The following STK3 variants were observed in gnomAD, a reference collection of about 807,000 sequenced individuals.
The protein encoded by STK3 is serine/threonine kinase 3.
Under a neutral mutation model 58.0 loss-of-function variants are expected in STK3, and 41 were observed. The ratio of observed to expected loss-of-function variants is 0.71; its 90% CI spans 0.55 to 0.92. The LOEUF (loss-of-function observed/expected upper bound fraction) is 0.92, where lower values mean the gene tolerates loss of function less well. STK3 is among the 40% of genes least tolerant of loss of function. STK3 has a pLI of 0.00. For synonymous variants in STK3, 170 were observed against 191.0 expected (o/e 0.89, Z 0.91); for missense variants, 479 against 602.7 (o/e 0.79, Z 2.15).
chr8:98,770,058 G>A (rs1831202565), intron 2 of STK3, among the ~76,000 whole-genome samples: 1 of 152,096 alleles, frequency 6.6e-6, no homozygotes, highest in South Asian at 2.1e-4. Context: ...CTGGTATTAG[G>A]ACATTTAGAT....
At chr8:98,936,026 C>G (rs1368844927) in intron 1 of STK3, among the ~76,000 whole-genome samples, 1 of 152,054 alleles carries the variant, frequency 6.6e-6, no homozygotes, top group Non-Finnish European at 1.5e-5. Flanking sequence ...ATGCCATTCT[C>G]CCACTTCAGC....
intron 1 of STK3, among the ~76,000 whole-genome samples, chr8:98,821,222 T>C (rs1293270561): frequency 2.0e-5 from 3 of 151,950 alleles, no homozygotes; most frequent in African/African-American, 7.3e-5. Flanking sequence ...CTCATAGGAG[T>C]GCGAACCCTA....
intron 3 of STK3, among the ~76,000 whole-genome samples, chr8:98,416,576 G>A (rs1180232825): frequency 6.6e-6 from 1 of 152,206 alleles, no homozygotes; most frequent in South Asian, 2.1e-4. Flanking sequence ...AGGGTCAGGA[G>A]AGGAGGTGCT....
intron 1 of STK3, among the ~76,000 whole-genome samples, chr8:98,930,984 C>A (rs1384735379): frequency 2.0e-5 from 3 of 152,198 alleles, no homozygotes; most frequent in African/African-American, 7.2e-5. Context: ...TACTTCATTT[C>A]TCAACACTCA....
chr8:98,369,235 T>A (rs1356876812), downstream of STK3, among the ~76,000 whole-genome samples: 2 of 152,144 alleles, frequency 1.3e-5, no homozygotes, highest in Admixed American at 6.6e-5. Context: ...TTGCAGCTGG[T>A]GAGTTGAAGG....
intron 10 of STK3, among the ~76,000 whole-genome samples, chr8:98,479,208 C>T (rs1414651788): frequency 6.6e-6 from 1 of 152,094 alleles, no homozygotes; most frequent in Non-Finnish European, 1.5e-5. Flanking sequence ...AAAGAAGCGG[C>T]CGGGTGCGGT....
downstream of STK3, among the ~76,000 whole-genome samples, chr8:98,398,090 G>A (rs1817910635): frequency 1.3e-5 from 2 of 152,172 alleles, no homozygotes; most frequent in Admixed American, 6.5e-5. Context: ...GCATGTCAAT[G>A]CCCCACATTG....
intron 1 of STK3, among the ~76,000 whole-genome samples, chr8:98,804,282 G>A (rs970733777): frequency 8.5e-5 from 13 of 152,270 alleles, no homozygotes; most frequent in Admixed American, 6.5e-4. Context: ...GATTACAGGC[G>A]TGAGCCACCA....
chr8:98,562,579 A>G (rs1013382445), intron 8 of STK3, among the ~76,000 whole-genome samples: 2 of 151,804 alleles, frequency 1.3e-5, no homozygotes, highest in East Asian at 3.9e-4. Context: ...GTTTGACAGT[A>G]CAGTGTATCA....
chr8:98,663,067 G>A (rs1437075890), intron 6 of STK3, among the ~76,000 whole-genome samples: 1 of 152,126 alleles, frequency 6.6e-6, no homozygotes, highest in Non-Finnish European at 1.5e-5. Flanking sequence ...CACAGCAAAA[G>A]AAACTACCAC....
rs538901213 is a variant in STK3, at chr8:98,516,284, T to C, written c.1317+10458A>G. ...AGAAATTCTTACAGGTGAGAGTAAC[T>C]GATATACAATATGGAAAGACACCAC... On this transcript the variant is annotated intron_variant, in intron 10 of 10. Transcript: ENST00000419617. Among the ~76,000 whole-genome samples the C allele has an allele frequency of 3.3e-5, 5 of 152,160 alleles. No homozygotes were observed. The South Asian group carries it at 6.2e-4, about 19-fold the overall frequency.
At chr8:98,590,072 G>T (rs1193019356) in intron 7 of STK3, among the ~76,000 whole-genome samples, 1 of 152,226 alleles carries the variant, frequency 6.6e-6, no homozygotes, top group African/African-American at 2.4e-5. Flanking sequence ...CGGCGCTCAT[G>T]CTGGGAGCTG....
rs539479659 is a variant in STK3 at position 98,724,577 on chromosome 8, T to G, written c.352-17266A>C. 8.5e-5 allele frequency among the ~76,000 whole-genome samples: 13 copies of G among 152,248 alleles called. No homozygotes were observed. In the South Asian group the frequency reaches 2.7e-3, roughly 32 times the overall value. ...AGATGACATGATCATATCTGAACTTTTAGGAAGAAAACTCTGACAGCAGGC... is the reference window on the plus strand; with the variant it reads ...AGATGACATGATCATATCTGAACTTGTAGGAAGAAAACTCTGACAGCAGGC... On this transcript the variant is annotated intron_variant, in intron 4 of 10. Coordinates refer to ENST00000419617, the MANE Select transcript of STK3 (RefSeq NM_006281.4).
chr8:98,903,544 CTT>C (rs1838752381), intron 1 of STK3, among the ~76,000 whole-genome samples: 3 of 25,352 alleles, frequency 1.2e-4, no homozygotes, highest in Non-Finnish European at 6.4e-5. Context: ...TCTTCTTCTT[CTT>C]CTTCTTCTTC....
At chr8:98,823,078 T>A (rs1835013637) in intron 1 of STK3, among the ~76,000 whole-genome samples, 1 of 152,128 alleles carries the variant, frequency 6.6e-6, no homozygotes, top group Admixed American at 6.5e-5. Flanking sequence ...AAAGTGAGGG[T>A]CATAAAACCA....
chr8:98,344,892 C>CAAAAAAAA, the STK3 span, among the ~76,000 whole-genome samples: 6 of 47,400 alleles, frequency 1.3e-4, no homozygotes, highest in Non-Finnish European at 2.3e-4. Context: ...GACTCCGTCT[C>CAAAAAAAA]AAAAAAAAAA....
chr8:98,500,594 T>C lies in STK3; in HGVS notation c.1317+26148A>G, dbSNP rs1006032941. Among the ~76,000 whole-genome samples, 4 of 152,070 alleles carry C rather than the reference T, an allele frequency of 2.6e-5. No individual in the cohort carries two copies. In the East Asian group the frequency reaches 5.8e-4, roughly 22 times the overall value. Reference sequence around the variant, plus strand: ...GTTCTCACTGTTCAATTCCAACCTATGGTGGTTTTTGTTGCCACTGCTTTT... The same window carrying C: ...GTTCTCACTGTTCAATTCCAACCTACGGTGGTTTTTGTTGCCACTGCTTTT... On this transcript the variant is annotated intron_variant, in intron 10 of 10. Transcript: ENST00000419617.
intron 8 of STK3, among the ~76,000 whole-genome samples, chr8:98,558,936 A>G (rs1465623205): frequency 2.6e-5 from 4 of 152,138 alleles, no homozygotes; most frequent in East Asian, 1.9e-4. Flanking sequence ...GAAACATGCT[A>G]AAGTAACAAT....
chr8:98,698,171 G>C (rs1464858691), intron 6 of STK3, among the ~76,000 whole-genome samples: 14 of 151,666 alleles, frequency 9.2e-5, no homozygotes, highest in Non-Finnish European at 1.5e-5. Flanking sequence ...TTTTATCAGA[G>C]ACTAGGATTG....
Sources: gnomAD v4.1 joint callset for allele counts (sites outside exome capture counted in the v4.1 genomes callset) on GRCh38, gnomAD v4.1.1 for gene constraint, MANE v1.5 for transcripts, NCBI Gene and HGNC (gene_info 2026-07-23, HGNC 2026-07-21) for gene names.